Variants in PPP2CB observed in about 807,000 individuals in gnomAD.
The protein encoded by PPP2CB is serine/threonine-protein phosphatase 2A catalytic subunit beta isoform.
Under a neutral mutation model 39.1 loss-of-function variants are expected in PPP2CB, and 18 were observed. The ratio of observed to expected loss-of-function variants is 0.46; its 90% CI spans 0.32 to 0.68. PPP2CB has a LOEUF of 0.68. Ranked by LOEUF, PPP2CB falls within the 30% of genes least tolerant of loss-of-function variation. The probability of loss-of-function intolerance (pLI) is 0.04; values close to 1 mark genes in which losing one functional copy is unlikely to be tolerated. For missense variants in PPP2CB, 226 were observed against 396.9 expected (o/e 0.57, Z 3.66); for synonymous variants, 129 against 133.8 (o/e 0.96, Z 0.25).
At chr8:30,790,252 G>A (rs1394319531) in intron 6 of PPP2CB, among the ~76,000 whole-genome samples, 5 of 152,190 alleles carry the variant, frequency 3.3e-5, no homozygotes, top group Non-Finnish European at 7.3e-5. Context: ...CTGCTCCTGA[G>A]TGGGTATGGC....
chr8:30,804,081 A>G (rs1034865196), intron 1 of PPP2CB, among the ~76,000 whole-genome samples: 20 of 152,178 alleles, frequency 1.3e-4, no homozygotes, highest in African/African-American at 4.8e-4. Flanking sequence ...TCGGCCTCCT[A>G]AAGTGCTGAG....
At chr8:30,801,535 G>GAA (rs5890535) in intron 1 of PPP2CB, among the ~76,000 whole-genome samples, 4 of 129,722 alleles carry the variant, frequency 3.1e-5, no homozygotes, top group Non-Finnish European at 6.9e-5. Flanking sequence ...CTCAGTCACA[G>GAA]AAAAAAAAAA....
intron 1 of PPP2CB, among the ~76,000 whole-genome samples, chr8:30,801,389 C>T (rs1217094815): frequency 3.3e-5 from 5 of 151,548 alleles, no homozygotes; most frequent in Admixed American, 6.6e-5. Flanking sequence ...AAAATTAGCC[C>T]GGCATGGTGG....
At chr8:30,796,762 C>T (rs914991671) in intron 3 of PPP2CB, among the ~76,000 whole-genome samples, 1 of 152,186 alleles carries the variant, frequency 6.6e-6, no homozygotes, top group Non-Finnish European at 1.5e-5. Context: ...AGGAAATTTG[C>T]ATAATTTCTT....
rs772859893 is a variant in PPP2CB at position 30,794,087 on chromosome 8, G to A, written c.577-9C>T. 8.1e-6 allele frequency: 13 copies of A among 1,602,890 alleles called. No homozygotes were observed. Among genetic ancestry groups the A allele is most frequent in the Non-Finnish European group, 1.0e-5 (12 of 1,174,242 alleles). On this transcript the variant is annotated splice_polypyrimidine_tract_variant and intron_variant, in intron 4 of 6. Coordinates refer to ENST00000221138, the MANE Select transcript of PPP2CB (RefSeq NM_001009552.2). ...AGATCACACATTGGGCCCTGGCCAAGAAAAATAAGTACATGTTACAAATTA... is the reference window on the plus strand; with the variant it reads ...AGATCACACATTGGGCCCTGGCCAAAAAAAATAAGTACATGTTACAAATTA...
chr8:30,794,113 T>C (rs1195019494), intron 4 of PPP2CB, 35 bp from the exon 5 acceptor site: 3 of 1,603,416 alleles, frequency 1.9e-6, no homozygotes, highest in African/African-American at 1.3e-5. Context: ...TTACAAATTA[T>C]TATCAGTCAT....
intron 1 of PPP2CB, among the ~76,000 whole-genome samples, chr8:30,811,483 T>C (rs963178615): frequency 3.5e-4 from 53 of 151,518 alleles, no homozygotes; most frequent in African/African-American, 1.2e-3. Context: ...AAACAAACGC[T>C]TGGCACATTC....
intron 6 of PPP2CB, among the ~76,000 whole-genome samples, chr8:30,788,564 T>C (rs1488884398): frequency 6.6e-6 from 1 of 152,258 alleles, no homozygotes; most frequent in Non-Finnish European, 1.5e-5. Context: ...TAATGATTTC[T>C]AATTTCATTT....
chr8:30,797,368 A>G (rs1370237527), intron 3 of PPP2CB, among the ~76,000 whole-genome samples: 1 of 152,234 alleles, frequency 6.6e-6, no homozygotes, highest in African/African-American at 2.4e-5. Context: ...AGATTTACAT[A>G]CATATCTGAG....
intron 2 of PPP2CB, among the ~76,000 whole-genome samples, chr8:30,798,268 T>C (rs989322906): frequency 3.3e-5 from 5 of 152,356 alleles, no homozygotes; most frequent in Non-Finnish European, 7.3e-5. Flanking sequence ...TTCAAATGTA[T>C]TAATAGTTTC....
chr8:30,785,994 A>G lies in PPP2CB; in HGVS notation c.*241T>C. ...CAGTCCAAAGGAAAATGGTTACTAT[A>G]AATACAGCAGGCAAACTGTTAGACT... On this transcript the variant is annotated 3_prime_UTR_variant, in exon 7 of 7. Transcript: ENST00000221138. 1 of 634,088 alleles carries G rather than the reference A, an allele frequency of 1.6e-6. No individual in the cohort carries two copies. Among genetic ancestry groups the G allele is most frequent in the Non-Finnish European group, 2.9e-6 (1 of 343,482 alleles). 39.3% of individuals were successfully genotyped at this position (634,088 alleles called of 1,614,324 possible).
chr8:30,789,421 A>C lies in PPP2CB; in HGVS notation c.857+1776T>G, dbSNP rs1251007473. ...ACTTACTGATCAAAGATTGTACTTA[A>C]GCCCCCTTGGCCAGTTAGATCTTAA... On this transcript the variant is annotated intron_variant, in intron 6 of 6. Transcript: ENST00000221138. Among the ~76,000 whole-genome samples the C allele has an allele frequency of 2.0e-5, 3 of 152,184 alleles. No homozygotes were observed. The East Asian group carries it at 5.8e-4, about 29-fold the overall frequency.
rs187416878 is a variant in PPP2CB, at chr8:30,799,661, A to G, written c.197T>C (p.Met66Thr). 167 of 1,614,066 alleles carry G rather than the reference A, an allele frequency of 1.0e-4. 1 individual carries two copies. The highest frequency in any genetic ancestry group is 1.3e-4 in the Non-Finnish European group (151 of 1,179,896). Residue 66 changes from methionine to threonine, a missense_variant, in exon 2 of 7, where the codon ATG becomes ACG. Met to Thr is a moderately conservative substitution (Grantham distance 81, BLOSUM62 -1). Coordinates refer to ENST00000221138, the MANE Select transcript of PPP2CB (RefSeq NM_001009552.2). ...GDVHGQFHDL[M>T]ELFRIGGKSP... Reference sequence around the variant, plus strand: ...TTTTCCACCAATTCTAAAGAGTTCCATAAGATCATGAAATTGACCATGCAC... The same window carrying G: ...TTTTCCACCAATTCTAAAGAGTTCCGTAAGATCATGAAATTGACCATGCAC...
intron 1 of PPP2CB, 107 bp from the exon 2 acceptor site, chr8:30,799,862 T>C: frequency 1.1e-6 from 1 of 909,564 alleles, no homozygotes; most frequent in Non-Finnish European, 1.7e-6. Flanking sequence ...TATAAAAGCG[T>C]ATGTGAAAAC....
chr8:30,807,997 T>C (rs1011031609), intron 1 of PPP2CB, among the ~76,000 whole-genome samples: 21 of 152,198 alleles, frequency 1.4e-4, no homozygotes, highest in Admixed American at 3.9e-4. Flanking sequence ...CTCTTTATTT[T>C]TTGTAGTCAT....
intron 1 of PPP2CB, among the ~76,000 whole-genome samples, chr8:30,805,822 G>A (rs995807681): frequency 3.9e-5 from 6 of 152,054 alleles, no homozygotes; most frequent in East Asian, 3.9e-4. Flanking sequence ...CTATTATAAC[G>A]CAAGTCAGGA....
At chr8:30,790,616 T>C (rs1411479809) in intron 6 of PPP2CB, among the ~76,000 whole-genome samples, 2 of 152,186 alleles carry the variant, frequency 1.3e-5, no homozygotes, top group Non-Finnish European at 2.9e-5. Context: ...GGTAACAGCA[T>C]TGGGAAACCC....
intron 1 of PPP2CB, among the ~76,000 whole-genome samples, chr8:30,811,766 A>G (rs1806832994): frequency 1.3e-5 from 2 of 152,316 alleles, no homozygotes; most frequent in African/African-American, 2.4e-5. Context: ...CCTCCCGAGT[A>G]GCTGTGGCCA....
chr8:30,812,019 C>T (rs1476843967), intron 1 of PPP2CB, among the ~76,000 whole-genome samples: 1 of 152,188 alleles, frequency 6.6e-6, no homozygotes, highest in Non-Finnish European at 1.5e-5. Flanking sequence ...CGACCAACCT[C>T]CTGCTTGGCT....
Sources: allele counts gnomAD v4.1 joint callset (sites outside exome capture counted in the v4.1 genomes callset), GRCh38; gene constraint gnomAD v4.1.1; transcripts MANE v1.5; gene names NCBI Gene and HGNC (gene_info 2026-07-23, HGNC 2026-07-21).